The following ATRNL1 variants were observed in gnomAD, a reference collection of about 807,000 sequenced individuals.
ATRNL1 encodes the protein attractin like 1, also known as attractin-like protein 1.
A neutral mutation model predicts 182.7 loss-of-function variants in ATRNL1; 95 were observed. That is an observed-to-expected ratio of 0.52 (90% confidence interval 0.44 to 0.62). The LOEUF is 0.62. Ranked by LOEUF, ATRNL1 falls within the 20% of genes least tolerant of loss-of-function variation. The probability of loss-of-function intolerance (pLI) is 0.00; values close to 1 mark genes in which losing one functional copy is unlikely to be tolerated. For synonymous variants in ATRNL1, 576 were observed against 568.3 expected (o/e 1.01, Z -0.19); for missense variants, 1,471 against 1,679.5 (o/e 0.88, Z 2.17).
At chr10:115,863,889 G>A (rs1259355336) in intron 28 of ATRNL1, among the ~76,000 whole-genome samples, 2 of 152,156 alleles carry the variant, frequency 1.3e-5, no homozygotes, top group African/African-American at 2.4e-5. Flanking sequence ...TCAAAAAATT[G>A]TGAAGACATG....
chr10:115,372,456 C>G (rs1857448657), intron 19 of ATRNL1, among the ~76,000 whole-genome samples: 1 of 151,994 alleles, frequency 6.6e-6, no homozygotes, highest in African/African-American at 2.4e-5. Flanking sequence ...ATATTTTTGC[C>G]AAGAGTAATG....
intron 26 of ATRNL1, among the ~76,000 whole-genome samples, chr10:115,581,118 G>T (rs1855046563): frequency 6.6e-6 from 1 of 152,050 alleles, no homozygotes; most frequent in Non-Finnish European, 1.5e-5. Context: ...GTTGGTTTCT[G>T]CACAGTCTGT....
At chr10:115,225,945 G>T (rs1332186416) in intron 9 of ATRNL1, among the ~76,000 whole-genome samples, 1 of 150,964 alleles carries the variant, frequency 6.6e-6, no homozygotes, top group Non-Finnish European at 1.5e-5. Flanking sequence ...ATTTCCAAAA[G>T]AAAAACTTTA....
At chr10:115,851,262 G>A (rs1951049006) in intron 28 of ATRNL1, among the ~76,000 whole-genome samples, 2 of 152,182 alleles carry the variant, frequency 1.3e-5, no homozygotes, top group South Asian at 4.1e-4. Flanking sequence ...TATGAGCATG[G>A]TGGATTTCTC....
At chr10:115,390,796 C>G (rs1267007991) in intron 19 of ATRNL1, among the ~76,000 whole-genome samples, 1 of 152,142 alleles carries the variant, frequency 6.6e-6, no homozygotes, top group African/African-American at 2.4e-5. Flanking sequence ...CATGGGCTAC[C>G]TTTCCATTTA....
intron 26 of ATRNL1, among the ~76,000 whole-genome samples, chr10:115,629,866 C>T (rs548521243): frequency 1.3e-5 from 2 of 152,104 alleles, no homozygotes; most frequent in East Asian, 1.9e-4. Context: ...AATGGCTTCT[C>T]GGAGAAGATG....
intron 1 of ATRNL1, among the ~76,000 whole-genome samples, chr10:115,105,785 G>A (rs952696281): frequency 2.6e-5 from 4 of 152,212 alleles, no homozygotes; most frequent in African/African-American, 4.8e-5. Flanking sequence ...GTCAAGAATC[G>A]AGGTTTGGGA....
intron 5 of ATRNL1, among the ~76,000 whole-genome samples, chr10:115,133,829 G>T (rs571288446): frequency 6.6e-6 from 1 of 152,124 alleles, no homozygotes; most frequent in Non-Finnish European, 1.5e-5. Flanking sequence ...TGAAAGAACA[G>T]AAGTTATAAC....
chr10:115,769,575 A>G (rs375150539), intron 27 of ATRNL1, among the ~76,000 whole-genome samples: 1 of 152,156 alleles, frequency 6.6e-6, no homozygotes, highest in Non-Finnish European at 1.5e-5. Context: ...AGTACATTGT[A>G]GTAACGGGCT....
At chr10:115,307,078 C>T (rs1216210460) in intron 17 of ATRNL1, among the ~76,000 whole-genome samples, 1 of 152,104 alleles carries the variant, frequency 6.6e-6, no homozygotes, top group Non-Finnish European at 1.5e-5. Flanking sequence ...ATTATAGAGG[C>T]TTCATTGTCT....
At chr10:115,439,556 A>G (rs1019921152) in intron 21 of ATRNL1, among the ~76,000 whole-genome samples, 1 of 151,978 alleles carries the variant, frequency 6.6e-6, no homozygotes, top group South Asian at 2.1e-4. Flanking sequence ...TTATGTATTG[A>G]TACTCTGTGT....
At chr10:115,336,599 C>T (rs192515588) in intron 19 of ATRNL1, among the ~76,000 whole-genome samples, 4 of 152,038 alleles carry the variant, frequency 2.6e-5, no homozygotes, top group East Asian at 3.9e-4. Flanking sequence ...TGTAAACTGT[C>T]GTGTATTTAA....
chr10:115,115,012 A>C (rs1844419321), intron 1 of ATRNL1, among the ~76,000 whole-genome samples: 1 of 152,190 alleles, frequency 6.6e-6, no homozygotes, highest in Non-Finnish European at 1.5e-5. Flanking sequence ...TGGATTAAAA[A>C]AAGAGGTATA....
chr10:115,530,225 T>C (rs1851486534), intron 25 of ATRNL1, among the ~76,000 whole-genome samples: 1 of 152,216 alleles, frequency 6.6e-6, no homozygotes, highest in Non-Finnish European at 1.5e-5. Context: ...TTTTCATTTC[T>C]CTTAAGTATA....
At chr10:115,450,656 T>C (rs573147071) in intron 21 of ATRNL1, among the ~76,000 whole-genome samples, 88 of 152,260 alleles carry the variant, frequency 5.8e-4, no homozygotes, top group Middle Eastern at 3.4e-3. Flanking sequence ...ACATCCAGAC[T>C]CATGGATAGG....
At chr10:115,705,509 A>G (rs773086366) in intron 26 of ATRNL1, among the ~76,000 whole-genome samples, 58 of 152,056 alleles carry the variant, frequency 3.8e-4, no homozygotes, top group Admixed American at 5.9e-4. Context: ...ACTACAGGAT[A>G]GCTCCTTGCT....
At chr10:115,774,081 G>C (rs1377574918) in intron 27 of ATRNL1, among the ~76,000 whole-genome samples, 2 of 152,062 alleles carry the variant, frequency 1.3e-5, no homozygotes, top group Non-Finnish European at 2.9e-5. Flanking sequence ...CCCCAAACCA[G>C]CACTCATCCT....
At chr10:115,345,671 G>T (rs1159679562) in intron 19 of ATRNL1, among the ~76,000 whole-genome samples, 1 of 152,118 alleles carries the variant, frequency 6.6e-6, no homozygotes, top group African/African-American at 2.4e-5. Context: ...CTTCTATTCT[G>T]CTATCTTGCT....
chr10:115,907,552 A>AAT (rs1555114842), intron 28 of ATRNL1, among the ~76,000 whole-genome samples: 1 of 152,216 alleles, frequency 6.6e-6, no homozygotes, highest in African/African-American at 2.4e-5. Flanking sequence ...TACAACATGT[A>AAT]ATATAATGCC....
Sources: allele counts gnomAD v4.1 joint callset (sites outside exome capture counted in the v4.1 genomes callset), GRCh38; gene constraint gnomAD v4.1.1; transcripts MANE v1.5; gene names NCBI Gene and HGNC (gene_info 2026-07-23, HGNC 2026-07-21).